The following CCDC7 variants were observed in gnomAD, a reference collection of about 807,000 sequenced individuals.
CCDC7 encodes the protein coiled-coil domain containing 7, also known as coiled-coil domain-containing protein 7.
In CCDC7, 183 loss-of-function variants were observed where a neutral mutation model predicts 196.9. That is an observed-to-expected ratio of 0.93 (90% confidence interval 0.82 to 1.05). The LOEUF is 1.05. CCDC7 is among the 50% of genes least tolerant of loss of function. CCDC7 has a pLI of 0.00. For missense variants in CCDC7, 1,540 were observed against 1,482.2 expected (o/e 1.04, Z -0.64); for synonymous variants, 525 against 484.6 (o/e 1.08, Z -1.10).
chr10:32,710,290 A>AGTCTCAATCCCTTGCT (rs1257520576), intron 24 of CCDC7, among the ~76,000 whole-genome samples: 1 of 152,214 alleles, frequency 6.6e-6, no homozygotes, highest in East Asian at 1.9e-4. Context: ...TTAAACCATG[A>AGTCTCAATCCCTTGCT]GTCTCAATCC....
At chr10:32,637,610 C>T (rs548703865) in intron 20 of CCDC7, among the ~76,000 whole-genome samples, 1 of 152,264 alleles carries the variant, frequency 6.6e-6, no homozygotes, top group South Asian at 2.1e-4. Flanking sequence ...GGTACCGGTA[C>T]CATGCTCTTT....
chr10:32,582,871 T>C (rs2058875386), intron 16 of CCDC7, among the ~76,000 whole-genome samples, 163 bp from the exon 18 acceptor site: 1 of 152,150 alleles, frequency 6.6e-6, no homozygotes, highest in Non-Finnish European at 1.5e-5. Flanking sequence ...TGTTACTATC[T>C]TCAACTTGTT....
intron 8 of CCDC7, among the ~76,000 whole-genome samples, chr10:32,479,634 C>T (rs2039602637): frequency 6.6e-6 from 1 of 152,054 alleles, no homozygotes; most frequent in South Asian, 2.1e-4. Flanking sequence ...TATTTGTATC[C>T]ATATTCATCA....
At chr10:32,628,422 G>T (rs973759735) in intron 18 of CCDC7, among the ~76,000 whole-genome samples, 1 of 151,656 alleles carries the variant, frequency 6.6e-6, no homozygotes, top group African/African-American at 2.4e-5. Context: ...CTACCTAAAG[G>T]TTTTTAAAAC....
At chr10:32,578,747 G>C (rs1198578512) in intron 16 of CCDC7, among the ~76,000 whole-genome samples, 1 of 152,082 alleles carries the variant, frequency 6.6e-6, no homozygotes, top group Non-Finnish European at 1.5e-5. Flanking sequence ...GTTCCTAACA[G>C]GCCATGGACT....
At chr10:32,560,380 C>CA (rs2055266046) in intron 13 of CCDC7, among the ~76,000 whole-genome samples, 2 of 151,968 alleles carry the variant, frequency 1.3e-5, no homozygotes, top group Admixed American at 1.3e-4. Flanking sequence ...TCAGATTCAC[C>CA]AAAGTTGAAA....
chr10:32,534,377 A>G (rs1472813140), intron 11 of CCDC7, among the ~76,000 whole-genome samples: 1 of 152,194 alleles, frequency 6.6e-6, no homozygotes, highest in Non-Finnish European at 1.5e-5. Context: ...CCGAGAACTC[A>G]TGAATTAACA....
chr10:32,715,850 G>C (rs2081489211), intron 25 of CCDC7, among the ~76,000 whole-genome samples: 1 of 152,150 alleles, frequency 6.6e-6, no homozygotes, highest in Non-Finnish European at 1.5e-5. Context: ...CAAGATTAGA[G>C]AAAACAGGAT....
chr10:32,707,475 A>G (rs959453730), intron 24 of CCDC7, among the ~76,000 whole-genome samples: 4 of 152,224 alleles, frequency 2.6e-5, no homozygotes, highest in Non-Finnish European at 5.9e-5. Flanking sequence ...GGCCCGGGCA[A>G]TCAGGCAGGA....
At chr10:32,695,806 A>G (rs1220860878) in intron 24 of CCDC7, among the ~76,000 whole-genome samples, 1 of 152,184 alleles carries the variant, frequency 6.6e-6, no homozygotes, top group Admixed American at 6.5e-5. Flanking sequence ...TTACAATGTC[A>G]GTTGCTTTAA....
intron 3 of CCDC7, 74 bp downstream of exon 4, chr10:32,456,408 C>G: frequency 8.2e-7 from 1 of 1,213,782 alleles, no homozygotes; most frequent in Non-Finnish European, 1.1e-6. Context: ...AATCTGCTAT[C>G]CAGTCAGCCA....
At chr10:32,509,835 A>G (rs1202320508) in intron 9 of CCDC7, among the ~76,000 whole-genome samples, 1 of 152,228 alleles carries the variant, frequency 6.6e-6, no homozygotes, top group African/African-American at 2.4e-5. Flanking sequence ...ATCACAATGA[A>G]ATAATACATC....
At chr10:32,516,295 G>GT (rs535661093) in intron 9 of CCDC7, among the ~76,000 whole-genome samples, 7,108 of 147,498 alleles carry the variant, frequency 0.048, 222 homozygotes, top group Non-Finnish European at 0.074. Context: ...GATTTTTTTT[G>GT]TTTTTTTTTT....
At chr10:32,711,726 T>G in exon 25 of CCDC7, 1 of 1,531,956 alleles carries the variant, frequency 6.5e-7, no homozygotes, top group Non-Finnish European at 8.9e-7. Flanking sequence ...GAGAAGGACG[T>G]AGCAGTAAGT....
intron 15 of CCDC7, among the ~76,000 whole-genome samples, chr10:32,568,448 C>T (rs915296360): frequency 6.6e-6 from 1 of 152,100 alleles, no homozygotes; most frequent in Non-Finnish European, 1.5e-5. Context: ...TTTTTACCTT[C>T]TCTTTTTGTG....
At chr10:32,824,669 T>A (rs2090847357) in intron 32 of CCDC7, 65 bp downstream of exon 33, 1 of 1,074,378 alleles carries the variant, frequency 9.3e-7, no homozygotes, top group African/African-American at 1.6e-5. Flanking sequence ...TAAGTATGTA[T>A]CTCTAATGAC....
chr10:32,460,942 A>G (rs1003862640), intron 3 of CCDC7, among the ~76,000 whole-genome samples: 2 of 152,182 alleles, frequency 1.3e-5, no homozygotes, highest in African/African-American at 4.8e-5. Context: ...CCACAGATCT[A>G]GAGTTAGTGT....
intron 5 of CCDC7, among the ~76,000 whole-genome samples, chr10:32,467,571 C>T (rs955824692): frequency 2.6e-5 from 4 of 152,046 alleles, no homozygotes; most frequent in African/African-American, 7.2e-5. Context: ...TTTTTTGCTG[C>T]ACAGAAGCTC....
chr10:32,704,324 G>A (rs146906715), intron 24 of CCDC7, among the ~76,000 whole-genome samples: 16 of 152,012 alleles, frequency 1.1e-4, no homozygotes, highest in African/African-American at 3.1e-4. Flanking sequence ...CAGAACAGTG[G>A]ATATTGGTGA....
Sources: allele counts gnomAD v4.1 joint callset (sites outside exome capture counted in the v4.1 genomes callset), GRCh38; gene constraint gnomAD v4.1.1; transcripts MANE v1.5; gene names NCBI Gene and HGNC (gene_info 2026-07-23, HGNC 2026-07-21).